Variants in RCOR1 observed in about 807,000 individuals in gnomAD.
RCOR1 encodes REST corepressor.
A neutral mutation model predicts 64.0 loss-of-function variants in RCOR1; 12 were observed. That is an observed-to-expected ratio of 0.19 (90% CI 0.12 to 0.30). The LOEUF (loss-of-function observed/expected upper bound fraction) is 0.30. Ranked by LOEUF, RCOR1 falls within the 10% of genes least tolerant of loss-of-function variation. RCOR1 has a pLI of 1.00. For synonymous variants in RCOR1, 279 were observed against 227.2 expected (o/e 1.23, Z -2.05); for missense variants, 502 against 621.2 (o/e 0.81, Z 2.04).
At chr14:102,696,974 C>T (rs1567439226) in intron 3 of RCOR1, among the ~76,000 whole-genome samples, 1 of 151,690 alleles carries the variant, frequency 6.6e-6, no homozygotes, top group Non-Finnish European at 1.5e-5. Context: ...TGGTATAACT[C>T]TGTAAAGGAA....
At chr14:102,614,222 CT>C (rs1893699247) in intron 2 of RCOR1, among the ~76,000 whole-genome samples, 1 of 116,504 alleles carries the variant, frequency 8.6e-6, no homozygotes, top group Admixed American at 1.0e-4. Flanking sequence ...AAACATCTGG[CT>C]CTTTTTTTTT....
chr14:102,716,900 A>G (rs969035973), intron 8 of RCOR1, among the ~76,000 whole-genome samples: 1 of 152,190 alleles, frequency 6.6e-6, no homozygotes, highest in African/African-American at 2.4e-5. Context: ...TATTGCATCT[A>G]TAGATAAAAA....
intron 2 of RCOR1, chr14:102,658,008 T>C: frequency 1.1e-6 from 1 of 919,528 alleles, no homozygotes; most frequent in Non-Finnish European, 1.3e-6. Context: ...AGAGTCTTGC[T>C]CTGTTGCCCA....
At chr14:102,610,669 TCTCCTGCCTTAGC>T (rs1036604673) in intron 2 of RCOR1, among the ~76,000 whole-genome samples, 5 of 152,068 alleles carry the variant, frequency 3.3e-5, no homozygotes, top group Non-Finnish European at 2.9e-5. Flanking sequence ...TTCACACCAT[TCTCCTGCCTTAGC>T]CTCCTGAGTA....
At chr14:102,644,244 A>G (rs1430011616) in intron 2 of RCOR1, among the ~76,000 whole-genome samples, 1 of 152,236 alleles carries the variant, frequency 6.6e-6, no homozygotes, top group East Asian at 1.9e-4. Context: ...CAAAGCAAGT[A>G]TCGCAAGAAA....
chr14:102,685,966 TG>T (rs1895409917), intron 3 of RCOR1, among the ~76,000 whole-genome samples: 1 of 152,158 alleles, frequency 6.6e-6, no homozygotes, highest in Non-Finnish European at 1.5e-5. Flanking sequence ...AGAATAATTT[TG>T]AATGTTCCTA....
chr14:102,651,159 G>A (rs1894580121), intron 2 of RCOR1: 1 of 716,170 alleles, frequency 1.4e-6, no homozygotes. Context: ...AGCGGCGCTA[G>A]AGGAATTAAA....
intron 7 of RCOR1, 46 bp downstream of exon 7, chr14:102,711,059 T>C (rs1251870275): frequency 8.1e-7 from 1 of 1,237,994 alleles, no homozygotes; most frequent in Non-Finnish European, 1.2e-6. Flanking sequence ...ATTTTATTAC[T>C]AGTTTCATAA....
intron 2 of RCOR1, chr14:102,655,169 T>A: frequency 5.5e-4 from 149 of 269,426 alleles, no homozygotes; most frequent in Non-Finnish European, 7.3e-4. Flanking sequence ...GGATAGGCAA[T>A]ACAGGCATAT....
intron 2 of RCOR1, among the ~76,000 whole-genome samples, chr14:102,605,381 T>C (rs1392409384): frequency 6.6e-6 from 1 of 152,194 alleles, no homozygotes; most frequent in African/African-American, 2.4e-5. Flanking sequence ...CCATTTATTT[T>C]GATGGTGTGA....
At chr14:102,607,187 C>T (rs993787907) in intron 2 of RCOR1, among the ~76,000 whole-genome samples, 43 of 152,018 alleles carry the variant, frequency 2.8e-4, no homozygotes, top group African/African-American at 1.0e-3. Flanking sequence ...TCTGCCTTGG[C>T]CTCCCAAAGT....
At chr14:102,708,059 G>A (rs1435113656) in intron 5 of RCOR1, among the ~76,000 whole-genome samples, 1 of 151,396 alleles carries the variant, frequency 6.6e-6, no homozygotes, top group East Asian at 1.9e-4. Flanking sequence ...TCCGCCTCCC[G>A]GGTTCACGCC....
chr14:102,640,903 T>G (rs115220960), intron 2 of RCOR1, among the ~76,000 whole-genome samples: 1,878 of 152,176 alleles, frequency 0.012, 40 homozygotes, highest in African/African-American at 0.043. Flanking sequence ...GAGGCTGCAG[T>G]GAACTGCCAT....
chr14:102,719,658 A>AG (rs1459325528), intron 8 of RCOR1, among the ~76,000 whole-genome samples: 7 of 152,228 alleles, frequency 4.6e-5, no homozygotes, highest in Non-Finnish European at 1.0e-4. Context: ...TGCATCAGGA[A>AG]GAGGGGTATA....
intron 2 of RCOR1, among the ~76,000 whole-genome samples, chr14:102,597,620 C>T (rs553159993): frequency 9.5e-4 from 129 of 136,438 alleles, no homozygotes; most frequent in African/African-American, 3.5e-3. Context: ...TGAGCCACTG[C>T]GCCCGACCTT....
At chr14:102,611,157 C>T (rs79278362) in intron 2 of RCOR1, among the ~76,000 whole-genome samples, 4,330 of 151,992 alleles carry the variant, frequency 0.028, 207 homozygotes, top group African/African-American at 0.1. Flanking sequence ...GCAGCCTCCG[C>T]CCCCACACCA....
intron 2 of RCOR1, among the ~76,000 whole-genome samples, chr14:102,665,636 C>T (rs1458859718): frequency 1.1e-4 from 16 of 152,070 alleles, no homozygotes; most frequent in Admixed American, 7.9e-4. Flanking sequence ...GTAGCTTGTT[C>T]GTCATCACTC....
At chr14:102,614,762 G>A (rs760173682) in intron 2 of RCOR1, among the ~76,000 whole-genome samples, 1 of 151,966 alleles carries the variant, frequency 6.6e-6, no homozygotes, top group Non-Finnish European at 1.5e-5. Flanking sequence ...ATCCAGTTTG[G>A]TGTATAAAAT....
At chr14:102,613,847 C>G (rs564532470) in intron 2 of RCOR1, among the ~76,000 whole-genome samples, 2 of 150,188 alleles carry the variant, frequency 1.3e-5, no homozygotes, top group African/African-American at 2.5e-5. Flanking sequence ...TGAACCACCG[C>G]GCCTGGCTGA....
Sources: gnomAD v4.1 joint callset for allele counts (sites outside exome capture counted in the v4.1 genomes callset) on GRCh38, gnomAD v4.1.1 for gene constraint, MANE v1.5 for transcripts, NCBI Gene and HGNC (gene_info 2026-07-23, HGNC 2026-07-21) for gene names.